The following KNTC1 variants were observed in gnomAD, a reference collection of about 807,000 sequenced individuals.
KNTC1 encodes kinetochore-associated protein 1.
Under a neutral mutation model 314.4 loss-of-function variants are expected in KNTC1, and 253 were observed. That is an observed-to-expected ratio of 0.80 (90% CI 0.73 to 0.89). The LOEUF (loss-of-function observed/expected upper bound fraction) is 0.89, where lower values mean the gene tolerates loss of function less well. Ranked by LOEUF, KNTC1 falls within the 40% of genes least tolerant of loss-of-function variation. KNTC1 has a pLI of 0.00. For synonymous variants in KNTC1, 901 were observed against 901.4 expected (o/e 1.00, Z 0.01); for missense variants, 2,475 against 2,572.9 (o/e 0.96, Z 0.82).
rs376725417 is a variant in KNTC1 at position 122,618,489 on chromosome 12, T to C, written c.6093T>C (p.Cys2031=). The change falls in exon 59 of 64, where the codon TGT becomes TGC. Residue 2031 remains cysteine, a synonymous_variant. Transcript: ENST00000333479. ...VIQIPLLSAS[C]PLSPDQLSDC... is the part of the protein sequence containing the mutation. ...TTTTTGTTTTGTTTTCAGCCTCTTGTCCTTTAAGTCCTGATCAGCTGTCAG... is the reference window on the plus strand; with the variant it reads ...TTTTTGTTTTGTTTTCAGCCTCTTGCCCTTTAAGTCCTGATCAGCTGTCAG... 7.0e-5 allele frequency: 113 copies of C among 1,612,412 alleles called. No individual in the cohort carries two copies. The African/African-American group carries it at 1.4e-3, about 20-fold the overall frequency.
intron 31 of KNTC1, among the ~76,000 whole-genome samples, chr12:122,578,208 G>A (rs1283509393): frequency 3.9e-5 from 6 of 152,200 alleles, no homozygotes; most frequent in Non-Finnish European, 5.9e-5. Flanking sequence ...CTTTTTTGCA[G>A]ATGAGGAATA....
chr12:122,529,712 T>A (rs1215977723), intron 1 of KNTC1, among the ~76,000 whole-genome samples: 1 of 152,202 alleles, frequency 6.6e-6, no homozygotes, highest in East Asian at 1.9e-4. Flanking sequence ...TTATTTCTAA[T>A]GAAAACTTGG....
chr12:122,577,251 G>A (rs950032646), intron 30 of KNTC1, among the ~76,000 whole-genome samples: 6 of 152,018 alleles, frequency 3.9e-5, no homozygotes, highest in Non-Finnish European at 8.8e-5. Context: ...TGCTTGGCCT[G>A]TTGTGTTTTT....
intron 29 of KNTC1, 40 bp from the exon 30 acceptor site, chr12:122,576,855 G>A (rs1965062688): frequency 1.4e-6 from 2 of 1,468,290 alleles, no homozygotes; most frequent in Middle Eastern, 2.1e-4. Context: ...GGTTTTCTGT[G>A]AGTTCTATAA....
intron 26 of KNTC1, 128 bp downstream of exon 26, chr12:122,573,413 T>A: frequency 2.3e-6 from 2 of 885,086 alleles, no homozygotes; most frequent in Non-Finnish European, 3.4e-6. Context: ...TTGAATTGGT[T>A]AAAAATGTGG....
chr12:122,587,902 C>G, intron 39 of KNTC1, 28 bp downstream of exon 39: 1 of 1,594,930 alleles, frequency 6.3e-7, no homozygotes. Flanking sequence ...AATACTTTGA[C>G]TTGGGGTGAA....
At chr12:122,538,587 G>A (rs1166856440) in intron 4 of KNTC1, 133 bp downstream of exon 4, 12 of 567,366 alleles carry the variant, frequency 2.1e-5, no homozygotes, top group Non-Finnish European at 3.6e-5. Context: ...ATTAAGCTTT[G>A]AAGGTGTTAC....
At chr12:122,620,716 A>G in intron 60 of KNTC1, 108 bp downstream of exon 60, 2 of 1,109,008 alleles carry the variant, frequency 1.8e-6, no homozygotes, top group South Asian at 3.1e-5. Context: ...TAAAGCATGA[A>G]TACATCAGAT....
At position 122,621,958 on chromosome 12, in the gene KNTC1, A is replaced by G. The variant is rs761374129; in HGVS notation, c.6357A>G (p.Gly2119=). 2.5e-6 allele frequency: 4 copies of G among 1,605,404 alleles called. No homozygotes were observed. The highest frequency in any genetic ancestry group is 3.4e-6 in the Non-Finnish European group (4 of 1,175,074). ...ATATGAACACGGGCCAGCTAGCAGG[A>G]TTTTCACATCAAGTAAGAGGCGATT... ...EEHMNTGQLA[G]FSHQIRSLIL... Residue 2119 remains glycine (G), a synonymous_variant, in exon 61 of 64, where the codon GGA becomes GGG. Transcript: ENST00000333479.
chr12:122,587,615 A>G (rs1382277313), intron 38 of KNTC1, 96 bp from the exon 39 acceptor site: 5 of 941,708 alleles, frequency 5.3e-6, no homozygotes, highest in Admixed American at 5.5e-5. Context: ...TATTATCTGT[A>G]TTGAAGAAGC....
At chr12:122,533,720 G>C (rs1033285161) in intron 2 of KNTC1, among the ~76,000 whole-genome samples, 2 of 152,090 alleles carry the variant, frequency 1.3e-5, no homozygotes, top group African/African-American at 4.8e-5. Context: ...AAATAAGGTA[G>C]AAGAGGGATC....
At chr12:122,530,875 A>T (rs1418735870) in intron 2 of KNTC1, among the ~76,000 whole-genome samples, 1 of 152,144 alleles carries the variant, frequency 6.6e-6, no homozygotes, top group Non-Finnish European at 1.5e-5. Context: ...CCTGCTGAGT[A>T]TGAGGTTTAT....
chr12:122,588,320 GACAA>G (rs746956906), intron 39 of KNTC1, among the ~76,000 whole-genome samples: 1 of 152,170 alleles, frequency 6.6e-6, no homozygotes, highest in Non-Finnish European at 1.5e-5. Flanking sequence ...GATTCTAGAA[GACAA>G]ACTAACTGTT....
chr12:122,605,027 C>T lies in KNTC1; in HGVS notation c.5326C>T (p.Leu1776Phe). ...IGKPAHLIVS[L>F]YEHPSINQRI... is the part of the protein sequence containing the mutation. ...AAAGCCAGCACATCTTATTGTCAGT[C>T]TCTACGAACATCCTAGCATCAATCA... Residue 1776 changes from leucine to phenylalanine, a missense_variant, in exon 50 of 64, where the codon CTC (leucine) becomes TTC (phenylalanine). Coordinates refer to ENST00000333479, the MANE Select transcript of KNTC1 (RefSeq NM_014708.6). 6.2e-7 allele frequency: 1 copy of T among 1,613,308 alleles called. No individual in the cohort carries two copies. The highest frequency in any genetic ancestry group is 8.5e-7 in the Non-Finnish European group (1 of 1,179,660).
intron 27 of KNTC1, among the ~76,000 whole-genome samples, chr12:122,574,954 A>G (rs898097515): frequency 6.6e-6 from 1 of 152,192 alleles, no homozygotes; most frequent in African/African-American, 2.4e-5. Context: ...AAAATAATGA[A>G]AACTGTTTTT....
chr12:122,569,412 G>C (rs1346849311), intron 21 of KNTC1, among the ~76,000 whole-genome samples: 4 of 152,110 alleles, frequency 2.6e-5, no homozygotes, highest in African/African-American at 9.7e-5. Flanking sequence ...TGAATTCCTA[G>C]TATCACCCCC....
chr12:122,597,393 C>CATG, intron 43 of KNTC1: 1 of 301,326 alleles, frequency 3.3e-6, no homozygotes, highest in East Asian at 8.6e-5. Flanking sequence ...GGACTACAGC[C>CATG]ATGCGCCACC....
chr12:122,547,752 A>C (rs1472388776), intron 11 of KNTC1, among the ~76,000 whole-genome samples, 163 bp from the exon 12 acceptor site: 3 of 152,266 alleles, frequency 2.0e-5, no homozygotes, highest in Non-Finnish European at 4.4e-5. Flanking sequence ...ACGTGCAGAA[A>C]TGGAATACAG....
chr12:122,577,131 G>T (rs1341587907), intron 30 of KNTC1, 102 bp downstream of exon 30: 2 of 845,952 alleles, frequency 2.4e-6, no homozygotes, highest in Non-Finnish European at 3.3e-6. Flanking sequence ...AGGCTGGAGT[G>T]CAGTGGCTGT....
Sources: allele counts gnomAD v4.1 joint callset (sites outside exome capture counted in the v4.1 genomes callset), GRCh38; gene constraint gnomAD v4.1.1; transcripts MANE v1.5; gene names NCBI Gene and HGNC (gene_info 2026-07-23, HGNC 2026-07-21).